Variants in CAMKK1 observed in about 807,000 individuals in gnomAD.
The protein encoded by CAMKK1 is calcium/calmodulin-dependent protein kinase kinase 1.
A neutral mutation model predicts 63.5 loss-of-function variants in CAMKK1; 20 were observed. The ratio of observed to expected loss-of-function variants is 0.32; its 90% confidence interval spans 0.22 to 0.46. The LOEUF is 0.46. CAMKK1 is among the 20% of genes least tolerant of loss of function. The probability of loss-of-function intolerance (pLI) is 1.00; values close to 1 mark genes in which losing one functional copy is unlikely to be tolerated. For synonymous variants in CAMKK1, 253 were observed against 269.0 expected (o/e 0.94, Z 0.58); for missense variants, 588 against 658.1 (o/e 0.89, Z 1.17).
chr17:3,868,151 C>T (rs773232117), intron 14 of CAMKK1, among the ~76,000 whole-genome samples: 1 of 16,274 alleles, frequency 6.1e-5, no homozygotes, highest in Non-Finnish European at 1.1e-4. Flanking sequence ...AAGCAGGCGC[C>T]GTCTAACTGA....
chr17:3,887,976 T>C lies in CAMKK1; in HGVS notation c.-43-2246A>G, dbSNP rs2055729596. Among the ~76,000 whole-genome samples the C allele has an allele frequency of 6.6e-6, 1 of 152,132 alleles. No homozygotes were observed. On this transcript the variant is annotated intron_variant, in intron 1 of 15. Coordinates refer to ENST00000348335, the MANE Select transcript of CAMKK1 (RefSeq NM_032294.3). The surrounding 1 kb of genome is among the most constrained non-coding windows in gnomAD (Gnocchi z 6.1). ...TCCAAAAGATCATCAGTGCCTGGCA[T>C]GTGATAGGAACTCGATAAATATTTG...
At chr17:3,864,421 T>C (rs993358674) in intron 15 of CAMKK1, among the ~76,000 whole-genome samples, 4 of 152,168 alleles carry the variant, frequency 2.6e-5, no homozygotes, top group East Asian at 3.9e-4. Context: ...TGATTTTTTG[T>C]ATTTTTAGTA....
At chr17:3,865,720 C>T (rs1278413659) in intron 15 of CAMKK1, 188 bp downstream of exon 15, 92 of 1,423,218 alleles carry the variant, frequency 6.5e-5, no homozygotes, top group Middle Eastern at 4.4e-4. Context: ...AAGAGCTGGG[C>T]CCAAAAGGTC....
chr17:3,882,763 C>G lies in CAMKK1; in HGVS notation c.649-199G>C, dbSNP rs998465837. 2.6e-5 allele frequency among the ~76,000 whole-genome samples: 4 copies of G among 152,192 alleles called. No homozygotes were observed. Among genetic ancestry groups the G allele is most frequent in the African/African-American group, 9.6e-5 (4 of 41,454 alleles). On this transcript the variant is annotated intron_variant, in intron 6 of 15. Transcript: ENST00000348335. This position sits in a 1 kb window ranked among gnomAD's most constrained non-coding sequence, Gnocchi z 4.3. ...ACCCCCAACCTGGCCCGCCACACGA[C>G]ATCCAGCCTTCCTCCCCTCCAGCTG... is the stretch of plus-strand genomic sequence containing the variant.
chr17:3,886,383 G>C (rs1567636827), intron 1 of CAMKK1, among the ~76,000 whole-genome samples: 1 of 152,148 alleles, frequency 6.6e-6, no homozygotes, highest in Admixed American at 6.5e-5. Flanking sequence ...TGTAATCCCA[G>C]CACTTTGGGA....
chr17:3,868,306 G>C (rs1348331569), intron 14 of CAMKK1, among the ~76,000 whole-genome samples: 5 of 149,876 alleles, frequency 3.3e-5, no homozygotes, highest in African/African-American at 1.2e-4. Flanking sequence ...GGAGATGCAG[G>C]CACCGTCTAA....
intron 1 of CAMKK1, among the ~76,000 whole-genome samples, chr17:3,891,118 G>GGT (rs2055886865): frequency 6.6e-6 from 1 of 151,636 alleles, no homozygotes; most frequent in Non-Finnish European, 1.5e-5. Flanking sequence ...TTGGGGGGGG[G>GGT]GTCACAGGCT....
At chr17:3,891,438 C>A (rs1230712631) in intron 1 of CAMKK1, among the ~76,000 whole-genome samples, 1 of 152,122 alleles carries the variant, frequency 6.6e-6, no homozygotes, top group Non-Finnish European at 1.5e-5. Context: ...CTTTTGGGAG[C>A]AGGACTGGAG....
chr17:3,874,121 TCCA>T (rs1476478118), intron 10 of CAMKK1, among the ~76,000 whole-genome samples: 16 of 152,192 alleles, frequency 1.1e-4, no homozygotes, highest in Non-Finnish European at 8.8e-5. Context: ...ATCATCTGAA[TCCA>T]ACCAGGGAAC....
intron 1 of CAMKK1, among the ~76,000 whole-genome samples, chr17:3,886,292 T>C (rs1385862066): frequency 2.6e-5 from 4 of 152,140 alleles, no homozygotes; most frequent in Non-Finnish European, 5.9e-5. Flanking sequence ...AAGACTTCCC[T>C]GGGGCTCCCG....
rs145197956 is a variant in CAMKK1 at position 3,878,317 on chromosome 17, G to A, written c.797-1895C>T. 1.9e-3 allele frequency among the ~76,000 whole-genome samples: 283 copies of A among 152,292 alleles called. 1 individual carries two copies. Among genetic ancestry groups the A allele is most frequent in the Non-Finnish European group, 3.0e-3 (205 of 68,032 alleles). On this transcript the variant is annotated intron_variant, in intron 9 of 15. Transcript: ENST00000348335. ...TTCATCCACCTGTCCAGCCCCTGGC[G>A]CTAACCGTTCTGCCCCAGGGAAGCC...
chr17:3,864,749 C>G (rs548198298), intron 15 of CAMKK1, among the ~76,000 whole-genome samples: 1 of 152,216 alleles, frequency 6.6e-6, no homozygotes, highest in African/African-American at 2.4e-5. Context: ...GTTGGGACCT[C>G]CAGGCCTCTC....
rs1750084003 is a variant in CAMKK1 at position 3,884,553 on chromosome 17, A to G, written c.361-126T>C. On this transcript the variant is annotated intron_variant, in intron 2 of 15. Transcript: ENST00000348335. The surrounding 1 kb of genome is among the most constrained non-coding windows in gnomAD (Gnocchi z 4.5). ...ATTCCCGGACCCCCAGGTCTCACCA[A>G]GCTTTTGAGTTTGGATGGGGAAGTT... is the stretch of plus-strand genomic sequence containing the variant. 4 of 817,396 alleles carry G rather than the reference A, an allele frequency of 4.9e-6. No homozygotes were observed. The highest frequency in any genetic ancestry group is 7.6e-6 in the Non-Finnish European group (4 of 529,718). The allele number at this position is 817,396 out of a possible 1,614,324, so 50.6% of individuals were successfully genotyped here.
intron 10 of CAMKK1, among the ~76,000 whole-genome samples, chr17:3,875,799 C>T (rs1185931106): frequency 6.6e-6 from 1 of 152,052 alleles, no homozygotes; most frequent in Non-Finnish European, 1.5e-5. Flanking sequence ...TGCCCCCCAC[C>T]CTGAGCCCTT....
chr17:3,869,741 A>C (rs2054755590), intron 13 of CAMKK1, 60 bp downstream of exon 13: 2 of 1,603,844 alleles, frequency 1.2e-6, no homozygotes, highest in Admixed American at 3.3e-5. Flanking sequence ...CCCTCCAGAA[A>C]GGGAAAGTGA....
rs1466440534 is a variant in CAMKK1, at chr17:3,880,372, C to T, written c.770G>A (p.Arg257Gln). The T allele has an allele frequency of 8.1e-6, 13 of 1,613,886 alleles. No individual in the cohort carries two copies. Among genetic ancestry groups the T allele is most frequent in the African/African-American group, 1.3e-5 (1 of 74,916 alleles). Residue 257 changes from arginine to glutamine, a missense_variant, in exon 9 of 16, where the codon CGG becomes CAG. Around this residue, in one of 3 missense-constraint regions of CAMKK1, gnomAD observed 357 missense variants for 407.4 expected, o/e 0.88. Transcript: ENST00000348335. ...GTACTCGAGGCCCAGGATGACGTCC[C>T]GCAGGTAGAGGCGAGCTTGCTCCTC... The part of the protein sequence containing the change: ...FSEEQARLYL[R>Q]DVILGLEYLH...
chr17:3,885,003 G>A (rs2055580875), intron 2 of CAMKK1, among the ~76,000 whole-genome samples: 1 of 152,208 alleles, frequency 6.6e-6, no homozygotes, highest in Admixed American at 6.5e-5. Flanking sequence ...GGCGAGGGGT[G>A]CAAGCTGGAG....
chr17:3,862,425 CTGGCCTCCCTA>C lies in CAMKK1; in HGVS notation c.1446-153_1446-143del. 1.4e-6 allele frequency: 1 copy of C among 704,998 alleles called. No individual in the cohort carries two copies. The highest frequency in any genetic ancestry group is 2.5e-6 in the Non-Finnish European group (1 of 408,048). 43.7% of individuals were successfully genotyped at this position (704,998 alleles called of 1,614,324 possible). A position where few individuals can be genotyped will look rare whatever the true frequency, so the allele number is the denominator to read the frequency against. On this transcript the variant is annotated intron_variant, in intron 15 of 15. Transcript: ENST00000348335. The surrounding 1 kb of genome is among the most constrained non-coding windows in gnomAD (Gnocchi z 4.1). ...CCACTGCCCCAAGCTTGGCCTCCCT[CTGGCCTCCCTA>C]CATCACGGCAGTTGCTCCTTGCCGG...
chr17:3,866,712 C>A (rs1371293634), intron 14 of CAMKK1, among the ~76,000 whole-genome samples: 1 of 145,722 alleles, frequency 6.9e-6, no homozygotes, highest in Non-Finnish European at 1.5e-5. Context: ...GAATTCCTGC[C>A]CTCATATAGC....
Sources: allele counts gnomAD v4.1 joint callset (sites outside exome capture counted in the v4.1 genomes callset), GRCh38; gene constraint gnomAD v4.1.1; regional missense constraint gnomAD v4.1.1; non-coding constraint Gnocchi (gnomAD v3.1); transcripts MANE v1.5; gene names NCBI Gene and HGNC (gene_info 2026-07-23, HGNC 2026-07-21).